The following LRRC39 variants were observed in gnomAD, a reference collection of about 807,000 sequenced individuals.
LRRC39 encodes leucine-rich repeat-containing protein 39.
LRRC39 carries 35 observed loss-of-function variants against 39.7 expected under a neutral mutation model. The ratio of observed to expected loss-of-function variants is 0.88; its 90% CI spans 0.67 to 1.17. The LOEUF is 1.17. Ranked by LOEUF, LRRC39 falls within the 50% of genes most tolerant of loss-of-function variation. The pLI, the probability that LRRC39 is intolerant of heterozygous loss-of-function variation, is 0.00. For missense variants in LRRC39, 357 were observed against 385.8 expected, an observed-to-expected ratio of 0.93 and a Z score of 0.62; for synonymous variants, 113 against 134.1, an observed-to-expected ratio of 0.84 and a Z score of 1.09.
chr1:100,148,662 C>T lies in LRRC39; in HGVS notation c.*380G>A, dbSNP rs767533656. The T allele has an allele frequency of 2.0e-5, 33 of 1,611,456 alleles. No homozygotes were observed. Among genetic ancestry groups the T allele is most frequent in the Non-Finnish European group, 2.5e-5 (30 of 1,179,408 alleles). ...TGAAGAAAAGAAGAAAATAGGGCAT[C>T]TTTGTAAATTGCTGATTGACCAAGG... On this transcript the variant is annotated 3_prime_UTR_variant, in exon 10 of 10. Transcript: ENST00000370137.
intron 3 of LRRC39, among the ~76,000 whole-genome samples, chr1:100,167,352 G>C (rs1659320425): frequency 6.6e-6 from 1 of 152,060 alleles, no homozygotes; most frequent in Admixed American, 6.6e-5. Context: ...ACTTTTAAAA[G>C]ATGTTGAGGC....
At chr1:100,158,413 TC>T in intron 5 of LRRC39, 46 bp from the exon 6 acceptor site, 1 of 1,533,824 alleles carries the variant, frequency 6.5e-7, no homozygotes, top group Non-Finnish European at 8.9e-7. Context: ...TATAAAATAA[TC>T]TTTATAGTTA....
At chr1:100,175,057 C>T (rs1659864708) in intron 1 of LRRC39, among the ~76,000 whole-genome samples, 1 of 149,826 alleles carries the variant, frequency 6.7e-6, no homozygotes, top group African/African-American at 2.4e-5. Context: ...CTTTGCCTTC[C>T]ACCATGATTG....
At chr1:100,175,387 C>T (rs190708119) in intron 1 of LRRC39, among the ~76,000 whole-genome samples, 17 of 150,526 alleles carry the variant, frequency 1.1e-4, no homozygotes, top group African/African-American at 3.9e-4. Context: ...AGGATGTCTC[C>T]ACATTCTCCA....
intron 1 of LRRC39, among the ~76,000 whole-genome samples, chr1:100,176,780 T>C (rs1419280709): frequency 2.0e-5 from 3 of 152,200 alleles, no homozygotes; most frequent in Non-Finnish European, 4.4e-5. Flanking sequence ...GTAAAGTCTA[T>C]GTATTGGTCT....
chr1:100,178,846 T>C (rs185144189), upstream of LRRC39, among the ~76,000 whole-genome samples: 1,278 of 152,244 alleles, frequency 8.4e-3, 11 homozygotes, highest in Non-Finnish European at 0.013. Flanking sequence ...CCACCATCCC[T>C]GCCTCCAGTA....
chr1:100,175,886 G>C (rs1659926222), intron 1 of LRRC39, among the ~76,000 whole-genome samples: 1 of 152,214 alleles, frequency 6.6e-6, no homozygotes, highest in Non-Finnish European at 1.5e-5. Context: ...ATTATACCAA[G>C]TGTTGGTGAG....
chr1:100,150,824 G>T (rs1430088360), intron 9 of LRRC39, among the ~76,000 whole-genome samples: 1 of 151,970 alleles, frequency 6.6e-6, no homozygotes, highest in Non-Finnish European at 1.5e-5. Flanking sequence ...TGTTCCACAG[G>T]TGCATCAAAT....
At chr1:100,160,970 T>G (rs577649348) in intron 3 of LRRC39, among the ~76,000 whole-genome samples, 7 of 152,264 alleles carry the variant, frequency 4.6e-5, no homozygotes, top group African/African-American at 1.7e-4. Context: ...ACCATTTGAC[T>G]ATTAGTACCT....
rs184708525 is a variant in LRRC39 at position 100,173,365 on chromosome 1, A to G, written c.-113T>C. 4.1e-4 allele frequency: 62 copies of G among 152,304 alleles called. No individual in the cohort carries two copies. Among genetic ancestry groups the G allele is most frequent in the Admixed American group, 2.5e-3 (38 of 15,308 alleles). 9.4% of individuals were successfully genotyped at this position (152,304 alleles called of 1,614,324 possible). Reference sequence around the variant, plus strand: ...AGAAATCAATTAATGTAATATTCTGAATAGACTAGAAGAGAAAGAAAATAT... The same window carrying G: ...AGAAATCAATTAATGTAATATTCTGGATAGACTAGAAGAGAAAGAAAATAT... On this transcript the variant is annotated 5_prime_UTR_variant, in exon 2 of 10. Coordinates refer to ENST00000370137, the MANE Select transcript of LRRC39 (RefSeq NM_144620.4).
chr1:100,175,766 G>GA (rs201192261), intron 1 of LRRC39, among the ~76,000 whole-genome samples: 2,400 of 151,434 alleles, frequency 0.016, 30 homozygotes, highest in Non-Finnish European at 0.022. Context: ...TCCCTGTGGA[G>GA]AAAAAAAAAT....
intron 2 of LRRC39, 22 bp from the exon 3 acceptor site, chr1:100,168,616 A>C: frequency 1.2e-6 from 1 of 860,006 alleles, no homozygotes; most frequent in South Asian, 1.5e-5. Context: ...AGAGAAAAAA[A>C]GCAATGTTTC....
At chr1:100,178,569 G>A (rs775176424), upstream of LRRC39, among the ~76,000 whole-genome samples, 17 of 152,040 alleles carry the variant, frequency 1.1e-4, no homozygotes, top group Non-Finnish European at 1.9e-4. Context: ...CCATGGATCT[G>A]CAAATATTTG....
chr1:100,178,579 G>T (rs1322187400), upstream of LRRC39, among the ~76,000 whole-genome samples: 1 of 151,944 alleles, frequency 6.6e-6, no homozygotes, highest in Non-Finnish European at 1.5e-5. Context: ...GCAAATATTT[G>T]AACTAAAGAC....
intron 3 of LRRC39, among the ~76,000 whole-genome samples, chr1:100,165,873 CT>C (rs370682819): frequency 2.6e-3 from 333 of 126,666 alleles, no homozygotes; most frequent in East Asian, 4.2e-3. Flanking sequence ...TTTCCCCTTT[CT>C]TTTTTTTTTT....
intron 1 of LRRC39, among the ~76,000 whole-genome samples, chr1:100,174,562 G>A (rs1180595326): frequency 6.6e-6 from 1 of 152,000 alleles, no homozygotes; most frequent in Admixed American, 6.6e-5. Context: ...GCCTCCCAAA[G>A]TGCTGGGACT....
chr1:100,159,606 C>CTTTTTTTTTTTTTT lies in LRRC39; in HGVS notation c.220-205_220-192dup, dbSNP rs10593200. ...GATCTTTCCTTTTTTTTTTCTTTTCCTTTTTTTTTTTTTTTTTTTTTGGCT... is the reference window on the plus strand; with the variant it reads ...GATCTTTCCTTTTTTTTTTCTTTTCCTTTTTTTTTTTTTTTTTTTTTTTTTTTTTTTTTTTGGCT... On this transcript the variant is annotated intron_variant, in intron 4 of 9. Coordinates refer to ENST00000370137, the MANE Select transcript of LRRC39 (RefSeq NM_144620.4). Among the ~76,000 whole-genome samples, 45 of 41,252 alleles carry CTTTTTTTTTTTTTT rather than the reference C, an allele frequency of 1.1e-3. 3 individuals are homozygous for CTTTTTTTTTTTTTT. Among genetic ancestry groups the CTTTTTTTTTTTTTT allele is most frequent in the African/African-American group, 1.8e-3 (18 of 9,784 alleles). The allele number at this position is 41,252 out of a possible 152,430, so 27.1% of individuals were successfully genotyped here. A position where few individuals can be genotyped will look rare whatever the true frequency, so the allele number is the denominator to read the frequency against.
chr1:100,162,331 G>C (rs1029094703), intron 3 of LRRC39, among the ~76,000 whole-genome samples: 4 of 152,094 alleles, frequency 2.6e-5, no homozygotes, highest in African/African-American at 9.7e-5. Flanking sequence ...ACATAAGAAT[G>C]ATCTCAAACT....
upstream of LRRC39, among the ~76,000 whole-genome samples, chr1:100,179,499 CAAAAAAAAAAAA>C (rs60588308): frequency 2.2e-5 from 1 of 45,618 alleles, no homozygotes; most frequent in Non-Finnish European, 3.8e-5. Context: ...CTGTATCTAC[CAAAAAAAAAAAA>C]AAAAAAAAAA....
Sources: allele counts gnomAD v4.1 joint callset (sites outside exome capture counted in the v4.1 genomes callset), GRCh38; gene constraint gnomAD v4.1.1; transcripts MANE v1.5; gene names NCBI Gene and HGNC (gene_info 2026-07-23, HGNC 2026-07-21).